Variants in CAPN7 observed in about 807,000 individuals in gnomAD.
CAPN7 encodes the protein calpain-7.
Under a neutral mutation model 115.2 loss-of-function variants are expected in CAPN7, and 72 were observed. The observed-to-expected ratio is 0.63, with a 90% confidence interval of 0.52 to 0.76. CAPN7 has a LOEUF of 0.76. Ranked by LOEUF, CAPN7 falls within the 30% of genes least tolerant of loss-of-function variation. The probability of loss-of-function intolerance (pLI) is 0.00; values close to 1 mark genes in which losing one functional copy is unlikely to be tolerated. For missense variants in CAPN7, 905 were observed against 971.5 expected (o/e 0.93, Z 0.91); for synonymous variants, 344 against 322.3 (o/e 1.07, Z -0.72).
At chr3:15,242,996 G>A (rs945523126) in intron 16 of CAPN7, among the ~76,000 whole-genome samples, 12 of 152,088 alleles carry the variant, frequency 7.9e-5, no homozygotes, top group Non-Finnish European at 1.8e-4. Flanking sequence ...AAAATATCAA[G>A]TACTGATACA....
chr3:15,210,984 G>A, intron 1 of CAPN7: 1 of 1,103,362 alleles, frequency 9.1e-7, no homozygotes, highest in South Asian at 2.0e-5. Context: ...TAACCTTCCT[G>A]GAATGGTGAT....
At chr3:15,233,724 A>T in intron 10 of CAPN7, 143 bp from the exon 11 acceptor site, 3 of 568,900 alleles carry the variant, frequency 5.3e-6, no homozygotes. Context: ...TAAATAAGAA[A>T]TATATTACTA....
chr3:15,209,466 A>G (rs186360268), intron 1 of CAPN7, among the ~76,000 whole-genome samples: 1 of 152,330 alleles, frequency 6.6e-6, no homozygotes, highest in Non-Finnish European at 1.5e-5. Flanking sequence ...TTTATTACTG[A>G]ATATTATTCC....
Position 15,206,256 on chromosome 3 carries a change from G to A in CAPN7, c.-240G>A, listed in dbSNP as rs1190444005. The A allele has an allele frequency of 9.2e-5, 36 of 391,974 alleles. No individual in the cohort carries two copies. The East Asian group carries it at 1.3e-3, about 14-fold the overall frequency. 24.3% of individuals were successfully genotyped at this position (391,974 alleles called of 1,614,324 possible). On this transcript the variant is annotated 5_prime_UTR_variant, in exon 1 of 21. Transcript: ENST00000253693. ...GCTGGTGGGCGGGGCGAGGGCCGCT[G>A]GGGCCGCGAAGTGGGGCGGCCGGGT...
intron 1 of CAPN7, among the ~76,000 whole-genome samples, chr3:15,207,769 A>G (rs545498686): frequency 2.0e-5 from 3 of 152,208 alleles, no homozygotes; most frequent in East Asian, 1.9e-4. Flanking sequence ...TTCAGGAGCA[A>G]TAACAGGAAT....
At chr3:15,229,205 A>T in intron 8 of CAPN7, 146 bp downstream of exon 8, 1 of 623,678 alleles carries the variant, frequency 1.6e-6, no homozygotes, top group Non-Finnish European at 2.9e-6. Flanking sequence ...ATGATTTATG[A>T]ATGTGGAAAG....
chr3:15,235,127 G>C lies in CAPN7; in HGVS notation c.1389G>C (p.Leu463Phe). The C allele has an allele frequency of 6.2e-7, 1 of 1,607,890 alleles. No homozygotes were observed. The highest frequency in any genetic ancestry group is 8.5e-7 in the Non-Finnish European group (1 of 1,178,334). ...TTCCCACACACGCATATGCTGTTTTGGATATTAGAGAGTTCAAGGTTTTGC... is the reference window on the plus strand; with the variant it reads ...TTCCCACACACGCATATGCTGTTTTCGATATTAGAGAGTTCAAGGTTTTGC... ...GLVPTHAYAVLDIREFKGLRF... is the reference protein window; with the variant it reads ...GLVPTHAYAVFDIREFKGLRF... The change falls in exon 12 of 21, where the codon TTG (leucine) becomes TTC (phenylalanine). Residue 463 changes from leucine (L) to phenylalanine (F), a missense_variant. Leu to Phe is a conservative substitution (Grantham distance 22). This residue lies in a region of CAPN7 where 620 missense variants were observed against 703.4 expected (regional missense o/e 0.88). Coordinates refer to ENST00000253693, the MANE Select transcript of CAPN7 (RefSeq NM_014296.3).
chr3:15,232,665 C>T lies in CAPN7; in HGVS notation c.1179C>T (p.Ser393=), dbSNP rs149320289. 3,009 of 1,602,564 alleles carry T rather than the reference C, an allele frequency of 1.9e-3. 6 individuals carry two copies. The highest frequency in any genetic ancestry group is 1.7e-3 in the South Asian group (155 of 89,136). Residue 393 remains serine (S), a splice_region_variant and synonymous_variant, in exon 10 of 21, where the codon TCC becomes TCT. Transcript: ENST00000253693. ...MGGYDFPGSN[S]NIDLHALTGW... ...GATATGATTTTCCAGGATCCAACTC[C>T]GTAAGTAATAGATAAGACGATCCAG...
intron 5 of CAPN7, 155 bp downstream of exon 5, chr3:15,221,136 A>G (rs1693956255): frequency 3.7e-6 from 2 of 539,714 alleles, no homozygotes; most frequent in South Asian, 3.2e-5. Flanking sequence ...ACAACTTGAA[A>G]TAGTTAAAAT....
rs1695458093 is a variant in CAPN7, at chr3:15,243,241, G to A, written c.1864+988G>A. 2.0e-5 allele frequency among the ~76,000 whole-genome samples: 3 copies of A among 152,168 alleles called. 1 individual carries two copies. Among genetic ancestry groups the A allele is most frequent in the Non-Finnish European group, 4.4e-5 (3 of 68,030 alleles). On this transcript the variant is annotated intron_variant, in intron 16 of 20. Coordinates refer to ENST00000253693, the MANE Select transcript of CAPN7 (RefSeq NM_014296.3). Reference sequence around the variant, plus strand: ...CAGGCCAATTGCCTGGGTAGGTGTGGTATCAAAAGAGGTCAGAAAGATTTG... The same window carrying A: ...CAGGCCAATTGCCTGGGTAGGTGTGATATCAAAAGAGGTCAGAAAGATTTG...
At chr3:15,238,344 G>C (rs1180589753) in intron 12 of CAPN7, among the ~76,000 whole-genome samples, 1 of 151,770 alleles carries the variant, frequency 6.6e-6, no homozygotes, top group Non-Finnish European at 1.5e-5. Flanking sequence ...TCGATCTCCT[G>C]ACCTCATGAT....
chr3:15,230,642 G>A, intron 9 of CAPN7, 107 bp downstream of exon 9: 1 of 670,838 alleles, frequency 1.5e-6, no homozygotes, highest in Non-Finnish European at 2.7e-6. Flanking sequence ...CATTTTAAAA[G>A]TTAGAGTCTG....
intron 6 of CAPN7, among the ~76,000 whole-genome samples, chr3:15,224,418 A>G (rs1040609299): frequency 6.6e-6 from 1 of 151,972 alleles, no homozygotes; most frequent in East Asian, 1.9e-4. Context: ...GACCGCAGGC[A>G]TGCACCATCA....
chr3:15,211,005 G>A (rs74874672), intron 1 of CAPN7: 11,985 of 954,294 alleles, frequency 0.013, 82 homozygotes, highest in Non-Finnish European at 0.014. Context: ...GAGGAGAATG[G>A]AAACACCACC....
chr3:15,236,016 A>T (rs766121486), intron 12 of CAPN7, among the ~76,000 whole-genome samples: 2 of 152,120 alleles, frequency 1.3e-5, no homozygotes, highest in Non-Finnish European at 2.9e-5. Flanking sequence ...AAAAAATAAA[A>T]AAAAATTAGC....
In CAPN7 at chr3:15,242,234, GA is replaced by G; in HGVS notation, c.1851del (p.Val618PhefsTer22). On this transcript the variant is annotated frameshift_variant, in exon 16 of 21. Coordinates refer to ENST00000253693, the MANE Select transcript of CAPN7 (RefSeq NM_014296.3). LOFTEE classifies it high-confidence loss of function. ...CAATGGTTGTATACAAGACTGATGG[GA>G]AAAAAGTTTATTACCCAGGTATGTT... ...ITMVVYKTDGKKVYYPADPPP... is the reference protein window; with the variant it reads ...ITMVVYKTDGXKVYYPADPPP... 1 of 1,595,258 alleles carries G rather than the reference GA, an allele frequency of 6.3e-7. No homozygotes were observed. The highest frequency in any genetic ancestry group is 1.8e-5 in the Admixed American group (1 of 54,878).
Position 15,230,455 on chromosome 3 carries a change from C to G in CAPN7, c.952C>G (p.Gln318Glu). 1 of 1,610,320 alleles carries G rather than the reference C, an allele frequency of 6.2e-7. No homozygotes were observed. Among genetic ancestry groups the G allele is most frequent in the Non-Finnish European group, 8.5e-7 (1 of 1,176,848 alleles). The stretch of plus-strand genomic sequence containing the variant: ...TTCTTACAAAAGCATAATTTACCCT[C>G]AAAACAAGGATGGTGAACCAGAATA... ...KKLITGIIYP[Q>E]NKDGEPEYNP... is the part of the protein sequence containing the mutation. Residue 318 changes from glutamine (Q) to glutamate (E), a missense_variant, in exon 9 of 21, where the codon CAA (glutamine) becomes GAA (glutamate). Coordinates refer to ENST00000253693, the MANE Select transcript of CAPN7 (RefSeq NM_014296.3).
In CAPN7 at chr3:15,245,665, G is replaced by A. The variant is rs143942275; in HGVS notation, c.2004G>A (p.Thr668=). The change falls in exon 17 of 21, where the codon ACG becomes ACA. Residue 668 remains threonine (T), a synonymous_variant. Coordinates refer to ENST00000253693, the MANE Select transcript of CAPN7 (RefSeq NM_014296.3). ...AAAAACAGAACACAATCCATTACAC[G>A]GTTCGGGTAAGTAAAACCAACACAC... ...QYEKQNTIHY[T]VRVYSACSFT... is the part of the protein sequence containing the mutation. 6.9e-5 allele frequency: 111 copies of A among 1,611,432 alleles called. No individual in the cohort carries two copies. The highest frequency in any genetic ancestry group is 3.3e-5 in the Non-Finnish European group (39 of 1,178,964).
Position 15,228,063 on chromosome 3 carries a change from C to A in CAPN7, c.852+98C>A, listed in dbSNP as rs982085838. 15 of 872,710 alleles carry A rather than the reference C, an allele frequency of 1.7e-5. No homozygotes were observed. In the Admixed American group the frequency reaches 3.4e-4, roughly 20 times the overall value. The allele number at this position is 872,710 out of a possible 1,614,324, so 54.1% of individuals were successfully genotyped here. On this transcript the variant is annotated intron_variant, in intron 7 of 20. Transcript: ENST00000253693. ...TTTCTTAGATTTTTTATTATATATT[C>A]AGGTACAGAAGTGTAATTGGAAAAA... is the stretch of plus-strand genomic sequence containing the variant.
Sources: allele counts gnomAD v4.1 joint callset (sites outside exome capture counted in the v4.1 genomes callset), GRCh38; gene constraint gnomAD v4.1.1; regional missense constraint gnomAD v4.1.1; transcripts MANE v1.5; gene names NCBI Gene and HGNC (gene_info 2026-07-23, HGNC 2026-07-21).